Variants in NCAM1 observed in about 807,000 individuals in gnomAD.
NCAM1 encodes neural cell adhesion molecule 1.
Under a neutral mutation model 109.8 loss-of-function variants are expected in NCAM1, and 14 were observed. The ratio of observed to expected loss-of-function variants is 0.13; its 90% CI spans 0.08 to 0.20. The LOEUF (loss-of-function observed/expected upper bound fraction) is 0.20. Ranked by LOEUF, NCAM1 falls within the 10% of genes least tolerant of loss-of-function variation. NCAM1 has a pLI of 1.00. For synonymous variants in NCAM1, 418 were observed against 442.9 expected (o/e 0.94, Z 0.70); for missense variants, 774 against 1,109.9 (o/e 0.70, Z 4.30).
rs1469150342 is a variant in NCAM1, at chr11:113,274,278, TCTC to T, written c.2457-986_2457-984del. 6.6e-6 allele frequency among the ~76,000 whole-genome samples: 1 copy of T among 152,122 alleles called. No homozygotes were observed. The highest frequency in any genetic ancestry group is 1.5e-5 in the Non-Finnish European group (1 of 68,012). The stretch of plus-strand genomic sequence containing the variant: ...CCCCGGCCCCCAGCCCACTCTTGCT[TCTC>T]CTGCTCTTAGAGTGGCTGGGAAGAC... On this transcript the variant is annotated intron_variant, in intron 19 of 19. Coordinates refer to ENST00000316851, the MANE Select transcript of NCAM1 (RefSeq NM_181351.5). This position sits in a 1 kb window ranked among gnomAD's most constrained non-coding sequence, Gnocchi z 4.1.
intron 9 of NCAM1, among the ~76,000 whole-genome samples, chr11:113,222,845 G>A (rs375521831): frequency 1.2e-4 from 19 of 152,276 alleles, no homozygotes; most frequent in African/African-American, 4.6e-4. Flanking sequence ...TCCTTATCAT[G>A]AGTGTCTTAC....
At chr11:113,032,287 CT>C (rs1278941609) in intron 1 of NCAM1, among the ~76,000 whole-genome samples, 2 of 152,136 alleles carry the variant, frequency 1.3e-5, no homozygotes, top group African/African-American at 4.8e-5. Flanking sequence ...TTTGGACTTT[CT>C]TTGTTCAGGG....
intron 15 of NCAM1, among the ~76,000 whole-genome samples, chr11:113,249,540 A>G (rs1945598227): frequency 6.6e-6 from 1 of 152,162 alleles, no homozygotes; most frequent in Non-Finnish European, 1.5e-5. Flanking sequence ...TCTTCTTCAT[A>G]ACCAATCTAA....
Position 113,015,367 on chromosome 11 carries a change from C to A in NCAM1, c.52+53703C>A, listed in dbSNP as rs1476084047. 3.3e-5 allele frequency among the ~76,000 whole-genome samples: 5 copies of A among 152,216 alleles called. No homozygotes were observed. In the South Asian group the frequency reaches 6.2e-4, roughly 19 times the overall value. On this transcript the variant is annotated intron_variant, in intron 1 of 19. Transcript: ENST00000316851. ...GCTTTGGACATAGACCTGATTGACACATCTGGTTCAACCAAATATTACAAA... is the reference window on the plus strand; with the variant it reads ...GCTTTGGACATAGACCTGATTGACAAATCTGGTTCAACCAAATATTACAAA...
intron 1 of NCAM1, among the ~76,000 whole-genome samples, chr11:112,968,244 C>G (rs1555065997): frequency 6.6e-6 from 1 of 152,140 alleles, no homozygotes; most frequent in African/African-American, 2.4e-5. Flanking sequence ...TAAATGAGAT[C>G]TGAGCTGATT....
chr11:113,009,312 G>GTTTTTTTGTTGTTTTTTTTTTTTTTTTT lies in NCAM1; in HGVS notation c.52+47655_52+47656insGTTGTTTTTTTTTTTTTTTTTTTTTTTT, dbSNP rs1555073910. Reference sequence around the variant, plus strand: ...GATTTAATTGGAAGGGTTTTTTCGGGTTTTTTTTTTTTTTTTTTTTTTTTT... The same window carrying GTTTTTTTGTTGTTTTTTTTTTTTTTTTT: ...GATTTAATTGGAAGGGTTTTTTCGGGTTTTTTTGTTGTTTTTTTTTTTTTTTTTTTTTTTTTTTTTTTTTTTTTTTTTT... On this transcript the variant is annotated intron_variant, in intron 1 of 19. Coordinates refer to ENST00000316851, the MANE Select transcript of NCAM1 (RefSeq NM_181351.5). Among the ~76,000 whole-genome samples, 19 of 79,688 alleles carry GTTTTTTTGTTGTTTTTTTTTTTTTTTTT rather than the reference G, an allele frequency of 2.4e-4. 1 individual carries two copies. Among genetic ancestry groups the GTTTTTTTGTTGTTTTTTTTTTTTTTTTT allele is most frequent in the East Asian group, 1.6e-3 (3 of 1,920 alleles). The allele number at this position is 79,688 out of a possible 152,430, so 52.3% of individuals were successfully genotyped here. A position where few individuals can be genotyped will look rare whatever the true frequency, so the allele number is the denominator to read the frequency against.
At chr11:113,257,820 A>G (rs148099981) in intron 16 of NCAM1, among the ~76,000 whole-genome samples, 19 of 152,370 alleles carry the variant, frequency 1.2e-4, no homozygotes, top group Admixed American at 4.6e-4. Flanking sequence ...ATGAAGAGGA[A>G]AGATACCGGA....
rs991511063 is a variant in NCAM1 at position 113,275,650 on chromosome 11, C to A, written c.*263C>A. On this transcript the variant is annotated 3_prime_UTR_variant, in exon 20 of 20. Transcript: ENST00000316851. ...AAATGAGACAAAAAGGTTAAACCCA[C>A]AGCCAAACTAGGACACTCCGTTCCC... 7.9e-5 allele frequency: 28 copies of A among 355,448 alleles called. No homozygotes were observed. The Admixed American group carries it at 1.3e-3, about 16-fold the overall frequency. 22.0% of individuals were successfully genotyped at this position (355,448 alleles called of 1,614,324 possible).
chr11:113,258,434 A>G (rs1376620759), intron 16 of NCAM1, among the ~76,000 whole-genome samples: 1 of 152,218 alleles, frequency 6.6e-6, no homozygotes, highest in Non-Finnish European at 1.5e-5. Context: ...ACTGCATGGA[A>G]TAGAAAAACC....
At chr11:113,146,500 A>G (rs1409797403) in intron 1 of NCAM1, among the ~76,000 whole-genome samples, 1 of 152,260 alleles carries the variant, frequency 6.6e-6, no homozygotes, top group East Asian at 1.9e-4. Flanking sequence ...GAGTGAAAAT[A>G]CAGATCACAT....
chr11:113,232,459 T>C, intron 11 of NCAM1, 105 bp downstream of exon 11: 2 of 1,229,684 alleles, frequency 1.6e-6, no homozygotes, highest in Non-Finnish European at 2.3e-6. Flanking sequence ...TGGCACATCC[T>C]GAGCAGGGAA....
At chr11:113,263,727 C>G in intron 17 of NCAM1, 1 of 985,472 alleles carries the variant, frequency 1.0e-6, no homozygotes, top group Non-Finnish European at 1.2e-6. Flanking sequence ...AGAGTGGGGC[C>G]GTGGTTCAGC....
chr11:113,046,723 AAGAT>A (rs1252133568), intron 1 of NCAM1, among the ~76,000 whole-genome samples: 1 of 152,200 alleles, frequency 6.6e-6, no homozygotes, highest in South Asian at 2.1e-4. Context: ...GAAAGAAAGG[AAGAT>A]AGAAAGATGG....
At chr11:113,069,984 A>G (rs1938183011) in intron 1 of NCAM1, among the ~76,000 whole-genome samples, 1 of 152,128 alleles carries the variant, frequency 6.6e-6, no homozygotes. Flanking sequence ...AAAAAATGCA[A>G]ATACGGCCCT....
intron 15 of NCAM1, among the ~76,000 whole-genome samples, chr11:113,251,422 A>G (rs1186401373): frequency 1.3e-5 from 2 of 152,208 alleles, no homozygotes; most frequent in African/African-American, 4.8e-5. Flanking sequence ...ATACATTTCA[A>G]TTATGGTTTC....
chr11:112,987,078 T>A (rs1331282835), intron 1 of NCAM1, among the ~76,000 whole-genome samples: 3 of 152,148 alleles, frequency 2.0e-5, no homozygotes, highest in Non-Finnish European at 4.4e-5. Flanking sequence ...TCCTATAAGA[T>A]TTGGTAAGTT....
intron 1 of NCAM1, among the ~76,000 whole-genome samples, chr11:113,159,187 G>A (rs1942517285): frequency 3.3e-5 from 5 of 151,904 alleles, no homozygotes; most frequent in Admixed American, 2.6e-4. Flanking sequence ...TTTGTAAAAG[G>A]TAACAAGATA....
intron 1 of NCAM1, among the ~76,000 whole-genome samples, chr11:113,064,323 C>A (rs1937837480): frequency 6.6e-6 from 1 of 152,298 alleles, no homozygotes; most frequent in South Asian, 2.1e-4. Flanking sequence ...GCAGGAGTAA[C>A]ATGACTAGTA....
In NCAM1 at chr11:113,144,946, A is replaced by G. The variant is rs139077565; in HGVS notation, c.53-57433A>G. Among the ~76,000 whole-genome samples, 13 of 152,344 alleles carry G rather than the reference A, an allele frequency of 8.5e-5. No individual in the cohort carries two copies. The East Asian group carries it at 2.5e-3, about 29-fold the overall frequency. ...CTCCAACCAATCTGCATGACCAGGA[A>G]TCAAGACTCATTATGTTATGTCAGT... On this transcript the variant is annotated intron_variant, in intron 1 of 19. Transcript: ENST00000316851.
Sources: gnomAD v4.1 joint callset for allele counts (sites outside exome capture counted in the v4.1 genomes callset) on GRCh38, gnomAD v4.1.1 for gene constraint, Gnocchi (gnomAD v3.1) non-coding constraint, MANE v1.5 for transcripts, NCBI Gene and HGNC (gene_info 2026-07-23, HGNC 2026-07-21) for gene names.